LRRIQ1: variants seen among roughly 807,000 people sequenced by gnomAD.
The protein encoded by LRRIQ1 is leucine-rich repeat- and IQ domain-containing protein 1.
In LRRIQ1, 210 loss-of-function variants were observed where a neutral mutation model predicts 211.9. The observed-to-expected ratio is 0.99, with a 90% CI of 0.89 to 1.11. The LOEUF (loss-of-function observed/expected upper bound fraction) is 1.11. Ranked by LOEUF, LRRIQ1 falls within the 50% of genes most tolerant of loss-of-function variation. The probability of loss-of-function intolerance (pLI) is 0.00; values close to 1 mark genes in which losing one functional copy is unlikely to be tolerated. For missense variants in LRRIQ1, 2,136 were observed against 1,939.5 expected (o/e 1.10, Z -1.90); for synonymous variants, 699 against 650.1 (o/e 1.08, Z -1.14).
chr12:85,264,759 T>G (rs1432738855), downstream of LRRIQ1, among the ~76,000 whole-genome samples: 1 of 152,074 alleles, frequency 6.6e-6, no homozygotes, highest in Admixed American at 6.6e-5. Context: ...GCACTGAATT[T>G]TGGACTAACA....
chr12:85,066,407 G>A (rs1292686133), intron 9 of LRRIQ1, among the ~76,000 whole-genome samples: 1 of 151,796 alleles, frequency 6.6e-6, no homozygotes, highest in Admixed American at 6.6e-5. Context: ...GTGAGACAGG[G>A]CCTGATTAAC....
At chr12:85,039,099 A>G (rs1421274557) in intron 2 of LRRIQ1, among the ~76,000 whole-genome samples, 1 of 151,320 alleles carries the variant, frequency 6.6e-6, no homozygotes, top group Non-Finnish European at 1.5e-5. Flanking sequence ...TTACATTATT[A>G]TGTCTTTTAT....
intron 3 of LRRIQ1, among the ~76,000 whole-genome samples, chr12:85,041,547 T>C (rs762236175): frequency 1.1e-4 from 16 of 151,616 alleles, no homozygotes; most frequent in Non-Finnish European, 2.1e-4. Flanking sequence ...GCCTGTATTC[T>C]GGAAAGAGGG....
chr12:85,099,903 A>T (rs780676032), intron 13 of LRRIQ1, among the ~76,000 whole-genome samples: 1 of 151,842 alleles, frequency 6.6e-6, no homozygotes, highest in Non-Finnish European at 1.5e-5. Context: ...ACAAATATGT[A>T]TTCAAAAAAT....
chr12:85,217,498 ATATATATATATGTGTGTGTGTG>A (rs1217749987), intron 24 of LRRIQ1, among the ~76,000 whole-genome samples: 42 of 80,126 alleles, frequency 5.2e-4, no homozygotes, highest in African/African-American at 3.7e-3. Context: ...ATATGTATAT[ATATATATATATGTGTGTGTGTG>A]TGTGTGTGTG....
At chr12:85,101,322 A>T (rs1886326417) in intron 13 of LRRIQ1, among the ~76,000 whole-genome samples, 1 of 151,784 alleles carries the variant, frequency 6.6e-6, no homozygotes, top group South Asian at 2.1e-4. Context: ...TTAAATTTTC[A>T]GTAAGACATG....
chr12:85,112,241 G>T (rs900437767), intron 15 of LRRIQ1, among the ~76,000 whole-genome samples: 13 of 151,588 alleles, frequency 8.6e-5, no homozygotes, highest in African/African-American at 3.1e-4. Context: ...CATCTTCTTA[G>T]ATTTGGATCT....
intron 19 of LRRIQ1, among the ~76,000 whole-genome samples, chr12:85,148,811 G>A (rs989798650): frequency 6.6e-6 from 1 of 151,892 alleles, no homozygotes; most frequent in Non-Finnish European, 1.5e-5. Flanking sequence ...ACCAGCGTCT[G>A]TTGTTTCTTT....
intron 19 of LRRIQ1, among the ~76,000 whole-genome samples, chr12:85,142,417 T>C (rs538958899): frequency 6.6e-6 from 1 of 151,702 alleles, no homozygotes; most frequent in East Asian, 1.9e-4. Flanking sequence ...CATTGTGAAA[T>C]ATGTAAACCT....
chr12:85,212,250 G>A (rs2137074226), intron 24 of LRRIQ1, among the ~76,000 whole-genome samples: 1 of 151,978 alleles, frequency 6.6e-6, no homozygotes, highest in African/African-American at 2.4e-5. Flanking sequence ...TCACACCACT[G>A]CACTCCAACC....
At chr12:85,229,913 A>G (rs1032511083) in intron 25 of LRRIQ1, among the ~76,000 whole-genome samples, 3 of 152,230 alleles carry the variant, frequency 2.0e-5, no homozygotes, top group Admixed American at 1.3e-4. Flanking sequence ...TATAAAGTAA[A>G]AAATGTGGTA....
intron 15 of LRRIQ1, among the ~76,000 whole-genome samples, chr12:85,107,810 T>TTCAGATAAACAGA (rs1886888925): frequency 6.6e-6 from 1 of 152,196 alleles, no homozygotes; most frequent in South Asian, 2.1e-4. Flanking sequence ...AAGTATCTAC[T>TTCAGATAAACAGA]CTGCTTTCAG....
At chr12:85,121,574 A>G (rs1887986669) in intron 15 of LRRIQ1, 123 bp from the exon 16 acceptor site, 2 of 659,090 alleles carry the variant, frequency 3.0e-6, no homozygotes, top group African/African-American at 1.9e-5. Context: ...TTTTCCCTAC[A>G]GTCACATTTT....
At chr12:85,140,340 T>C (rs1170871309) in intron 19 of LRRIQ1, among the ~76,000 whole-genome samples, 1 of 151,092 alleles carries the variant, frequency 6.6e-6, no homozygotes, top group Non-Finnish European at 1.5e-5. Flanking sequence ...ATATCTGAAA[T>C]AGCAAGAAAC....
At chr12:85,211,329 G>T (rs1893825546) in intron 24 of LRRIQ1, among the ~76,000 whole-genome samples, 1 of 152,030 alleles carries the variant, frequency 6.6e-6, no homozygotes, top group South Asian at 2.1e-4. Context: ...TATTTACTTT[G>T]TGAAATGCTC....
At chr12:85,178,946 G>T (rs888939639) in intron 24 of LRRIQ1, among the ~76,000 whole-genome samples, 1 of 149,774 alleles carries the variant, frequency 6.7e-6, no homozygotes, top group East Asian at 2.0e-4. Flanking sequence ...GTCCAGTTGA[G>T]AAACCTTATG....
intron 1 of LRRIQ1, among the ~76,000 whole-genome samples, chr12:85,258,233 T>A (rs1407091609): frequency 2.0e-5 from 3 of 151,822 alleles, no homozygotes; most frequent in Non-Finnish European, 4.4e-5. Context: ...TAACAAATAC[T>A]GTGGATATTT....
rs1491190469 is a variant in LRRIQ1 at position 85,239,354 on chromosome 12, T to TACAC, written c.5017-5434_5017-5433insCACA. Among the ~76,000 whole-genome samples, 417 of 86,534 alleles carry TACAC rather than the reference T, an allele frequency of 4.8e-3. 4 individuals carry two copies. The highest frequency in any genetic ancestry group is 0.024 in the African/African-American group (403 of 16,912). 56.8% of individuals were successfully genotyped at this position (86,534 alleles called of 152,430 possible). On this transcript the variant is annotated intron_variant, in intron 26 of 26. Coordinates refer to ENST00000393217, the MANE Select transcript of LRRIQ1 (RefSeq NM_001079910.2). ...CAATCCCCGGTAATTGAAACTGTTTTATACACACACACACACACACACACA... is the reference window on the plus strand; with the variant it reads ...CAATCCCCGGTAATTGAAACTGTTTTACACATACACACACACACACACACACACA...
At chr12:85,204,621 C>A (rs1314158249) in intron 24 of LRRIQ1, among the ~76,000 whole-genome samples, 1 of 152,174 alleles carries the variant, frequency 6.6e-6, no homozygotes, top group Non-Finnish European at 1.5e-5. Context: ...CATTTTGGAG[C>A]TTTAAGATTT....
Sources: allele counts gnomAD v4.1 joint callset (sites outside exome capture counted in the v4.1 genomes callset), GRCh38; gene constraint gnomAD v4.1.1; transcripts MANE v1.5; gene names NCBI Gene and HGNC (gene_info 2026-07-23, HGNC 2026-07-21).